The following COG6 variants were observed in gnomAD, a reference collection of about 807,000 sequenced individuals.
The protein encoded by COG6 is conserved oligomeric Golgi complex subunit 6.
A neutral mutation model predicts 88.8 loss-of-function variants in COG6; 74 were observed. The observed-to-expected ratio is 0.83, with a 90% CI of 0.69 to 1.01. COG6 has a LOEUF of 1.01. Ranked by LOEUF, COG6 falls within the 50% of genes least tolerant of loss-of-function variation. The pLI, the probability that COG6 is intolerant of heterozygous loss-of-function variation, is 0.00. For synonymous variants in COG6, 286 were observed against 278.7 expected (o/e 1.03, Z -0.26); for missense variants, 800 against 797.9 (o/e 1.00, Z -0.03).
intron 17 of COG6, among the ~76,000 whole-genome samples, chr13:39,726,824 T>A (rs1879158879): frequency 6.6e-6 from 1 of 152,086 alleles, no homozygotes; most frequent in Non-Finnish European, 1.5e-5. Flanking sequence ...TAATGTATAT[T>A]CATCTTTAAG....
At chr13:39,691,636 C>T (rs192048623) in intron 11 of COG6, among the ~76,000 whole-genome samples, 1 of 151,850 alleles carries the variant, frequency 6.6e-6, no homozygotes, top group Non-Finnish European at 1.5e-5. Context: ...TCATACCTTC[C>T]CTTCCTTATA....
chr13:39,682,230 A>G lies in COG6; in HGVS notation c.754A>G (p.Met252Val), dbSNP rs150103328. ...CGTATCTCCAGTATTGACACAGGCA[A>G]TGGAAGCCCTGCAGGACAGACCTGT... ...CDVSPVLTQA[M>V]EALQDRPVLY... The change falls in exon 8 of 19, where the codon ATG (methionine) becomes GTG (valine). Residue 252 changes from methionine (M) to valine (V), a missense_variant. Transcript: ENST00000455146. 9.9e-6 allele frequency: 16 copies of G among 1,612,354 alleles called. No homozygotes were observed. In the African/African-American group the frequency reaches 1.5e-4, roughly 15 times the overall value.
intron 18 of COG6, among the ~76,000 whole-genome samples, chr13:39,742,556 A>G (rs544695157): frequency 6.6e-6 from 1 of 152,276 alleles, no homozygotes; most frequent in South Asian, 2.1e-4. Flanking sequence ...AGAGCTAACT[A>G]TCCTAAATAT....
chr13:39,759,659 T>C (rs1354866100), intron 18 of COG6, among the ~76,000 whole-genome samples: 2 of 152,178 alleles, frequency 1.3e-5, no homozygotes, highest in Non-Finnish European at 1.5e-5. Flanking sequence ...AATATAATTA[T>C]GTATTTTTGC....
At chr13:39,717,988 TG>T (rs1246087959) in intron 13 of COG6, among the ~76,000 whole-genome samples, 2 of 152,306 alleles carry the variant, frequency 1.3e-5, no homozygotes, top group African/African-American at 4.8e-5. Flanking sequence ...CTTTATTTGG[TG>T]AGACATTGTT....
chr13:39,684,364 C>G (rs1178165208), intron 8 of COG6, among the ~76,000 whole-genome samples: 1 of 147,618 alleles, frequency 6.8e-6, no homozygotes, highest in Non-Finnish European at 1.5e-5. Context: ...ATTCTCCTGC[C>G]TCAGCCTCCC....
In COG6 at chr13:39,775,770, A is replaced by T. The variant is rs952684223; in HGVS notation, c.1827-12565A>T. The stretch of plus-strand genomic sequence containing the variant: ...ATAATCTTTCAGAGATACATCTGAA[A>T]TTTTTTTTTTTTTTTTGAGACGGAG... On this transcript the variant is annotated intron_variant, in intron 18 of 18. Transcript: ENST00000416691. Among the ~76,000 whole-genome samples, 936 of 145,346 alleles carry T rather than the reference A, an allele frequency of 6.4e-3. 12 individuals are homozygous for T. Among genetic ancestry groups the T allele is most frequent in the African/African-American group, 0.019 (743 of 39,748 alleles).
At chr13:39,772,701 A>T (rs1881354919) in intron 18 of COG6, among the ~76,000 whole-genome samples, 3 of 152,142 alleles carry the variant, frequency 2.0e-5, no homozygotes, top group South Asian at 2.1e-4. Flanking sequence ...TCAGTTCTTG[A>T]CCTCTTAAGG....
At chr13:39,788,892 A>G (rs1881855243) in exon 19 of COG6, 1 of 154,956 alleles carries the variant, frequency 6.5e-6, no homozygotes, top group Non-Finnish European at 1.4e-5. Flanking sequence ...CAGAGATAGC[A>G]TTACGCAGGG....
chr13:39,749,769 A>G (rs1210781192), intron 18 of COG6, among the ~76,000 whole-genome samples: 1 of 152,206 alleles, frequency 6.6e-6, no homozygotes, highest in East Asian at 1.9e-4. Flanking sequence ...CAAGGGTTGC[A>G]CTGGAATTAG....
intron 6 of COG6, 88 bp from the exon 7 acceptor site, chr13:39,679,887 G>A (rs1876206172): frequency 2.7e-6 from 2 of 740,666 alleles, no homozygotes; most frequent in South Asian, 3.1e-5. Flanking sequence ...TTAATATGCT[G>A]TAATATGTAA....
intron 13 of COG6, among the ~76,000 whole-genome samples, chr13:39,705,785 C>T (rs946578885): frequency 1.3e-5 from 2 of 152,070 alleles, no homozygotes; most frequent in African/African-American, 4.8e-5. Context: ...CATATGGGAA[C>T]TTACTAGACA....
At chr13:39,734,322 A>G (rs973258585) in intron 18 of COG6, among the ~76,000 whole-genome samples, 1 of 151,964 alleles carries the variant, frequency 6.6e-6, no homozygotes, top group Admixed American at 6.5e-5. Context: ...GTTTCAATAA[A>G]TTTTTTAATT....
At chr13:39,713,101 C>T (rs1048886990) in intron 13 of COG6, among the ~76,000 whole-genome samples, 1 of 152,220 alleles carries the variant, frequency 6.6e-6, no homozygotes, top group Non-Finnish European at 1.5e-5. Context: ...TTCTCCCAGT[C>T]ACATCATTCT....
intron 13 of COG6, among the ~76,000 whole-genome samples, chr13:39,709,665 T>C (rs1031596527): frequency 2.6e-5 from 4 of 152,162 alleles, no homozygotes; most frequent in Non-Finnish European, 5.9e-5. Context: ...TATGTGTATA[T>C]ATATGTGTGT....
At chr13:39,758,936 C>T (rs1304884609) in intron 18 of COG6, among the ~76,000 whole-genome samples, 1 of 152,038 alleles carries the variant, frequency 6.6e-6, no homozygotes, top group East Asian at 1.9e-4. Context: ...ATGGATGAAT[C>T]TTGAAAACAT....
intron 8 of COG6, among the ~76,000 whole-genome samples, chr13:39,684,243 A>ATTTGTTTTTTTTT (rs1876492688): frequency 1.5e-5 from 1 of 67,382 alleles, no homozygotes; most frequent in Non-Finnish European, 2.5e-5. Flanking sequence ...AATTTGGAAG[A>ATTTGTTTTTTTTT]TTTTTTTTTT....
chr13:39,775,615 C>T (rs1167158708), intron 18 of COG6, among the ~76,000 whole-genome samples: 1 of 152,154 alleles, frequency 6.6e-6, no homozygotes, highest in Non-Finnish European at 1.5e-5. Flanking sequence ...CATCCTGTGA[C>T]CTTGCTTGAG....
At chr13:39,752,695 C>T, downstream of COG6, 1 of 1,147,238 alleles carries the variant, frequency 8.7e-7, no homozygotes. Flanking sequence ...TTAGAAAATG[C>T]ACTAATGGAA....
Sources: allele counts gnomAD v4.1 joint callset (sites outside exome capture counted in the v4.1 genomes callset), GRCh38; gene constraint gnomAD v4.1.1; transcripts MANE v1.5; gene names NCBI Gene and HGNC (gene_info 2026-07-23, HGNC 2026-07-21).